The following PACRG variants were observed in gnomAD, a reference collection of about 807,000 sequenced individuals.
PACRG encodes parkin coregulated.
PACRG carries 29 observed loss-of-function variants against 29.7 expected under a neutral mutation model. The observed-to-expected ratio is 0.98, with a 90% CI of 0.73 to 1.33. PACRG has a LOEUF of 1.33. Ranked by LOEUF, PACRG falls within the 40% of genes most tolerant of loss-of-function variation. PACRG has a pLI of 0.00. For synonymous variants in PACRG, 116 were observed against 118.7 expected, an observed-to-expected ratio of 0.98 and a Z score of 0.15; for missense variants, 279 against 316.2, an observed-to-expected ratio of 0.88 and a Z score of 0.89.
chr6:162,749,314 A>G (rs562692032), intron 1 of PACRG, among the ~76,000 whole-genome samples: 86 of 152,310 alleles, frequency 5.6e-4, no homozygotes, highest in Non-Finnish European at 1.0e-3. Flanking sequence ...ACTGTCAAGA[A>G]GGTGAGAGGA....
At chr6:163,146,485 C>A (rs1027686656) in intron 4 of PACRG, among the ~76,000 whole-genome samples, 7 of 152,336 alleles carry the variant, frequency 4.6e-5, no homozygotes, top group African/African-American at 1.7e-4. Flanking sequence ...AAGAAACTTG[C>A]CATATGTGTA....
chr6:163,174,101 A>G (rs1324280999), intron 4 of PACRG, among the ~76,000 whole-genome samples: 1 of 152,228 alleles, frequency 6.6e-6, no homozygotes, highest in Non-Finnish European at 1.5e-5. Context: ...TTTATGTAGA[A>G]TATCCTTTCA....
At chr6:162,884,606 A>AATTTTAG (rs1794177978) in intron 2 of PACRG, among the ~76,000 whole-genome samples, 1 of 152,212 alleles carries the variant, frequency 6.6e-6, no homozygotes. Flanking sequence ...GCAACTTATG[A>AATTTTAG]CTACTTCATG....
chr6:163,006,893 G>T (rs1196997092), intron 2 of PACRG, among the ~76,000 whole-genome samples: 1 of 150,908 alleles, frequency 6.6e-6, no homozygotes, highest in African/African-American at 2.4e-5. Flanking sequence ...ATACAATCTG[G>T]CAATGTCTGC....
intron 3 of PACRG, among the ~76,000 whole-genome samples, chr6:163,072,531 C>A (rs1812161188): frequency 6.6e-6 from 1 of 152,140 alleles, no homozygotes; most frequent in African/African-American, 2.4e-5. Context: ...GAAAGCCTTT[C>A]CTCCTAAAAT....
At chr6:163,041,340 AAAAAAT>A (rs1808693838) in intron 2 of PACRG, among the ~76,000 whole-genome samples, 1 of 152,004 alleles carries the variant, frequency 6.6e-6, no homozygotes. Context: ...CTGTCTCAAA[AAAAAAT>A]AAAAATAAAA....
intron 3 of PACRG, among the ~76,000 whole-genome samples, chr6:163,069,246 C>T (rs887558662): frequency 1.4e-5 from 2 of 144,594 alleles, no homozygotes; most frequent in Non-Finnish European, 3.0e-5. Context: ...AATGCCCAGA[C>T]GTCAAGCATC....
chr6:163,049,396 T>C (rs1196562966), intron 2 of PACRG, among the ~76,000 whole-genome samples: 1 of 152,070 alleles, frequency 6.6e-6, no homozygotes, highest in Admixed American at 6.5e-5. Context: ...AGTATGAGAA[T>C]AAACCATTAT....
chr6:163,199,538 A>C (rs1211261826), intron 4 of PACRG, among the ~76,000 whole-genome samples: 1 of 152,226 alleles, frequency 6.6e-6, no homozygotes, highest in African/African-American at 2.4e-5. Flanking sequence ...CCTTGATCAC[A>C]CAGGCAGGAA....
At chr6:162,814,424 C>T in intron 2 of PACRG, 143 bp downstream of exon 2, 1 of 1,038,598 alleles carries the variant, frequency 9.6e-7, no homozygotes. Flanking sequence ...TTAGAGAAAG[C>T]CCCCCTGTGT....
intron 4 of PACRG, among the ~76,000 whole-genome samples, chr6:163,213,962 C>T (rs1229943875): frequency 6.6e-6 from 1 of 152,162 alleles, no homozygotes; most frequent in East Asian, 1.9e-4. Flanking sequence ...CTTTTTCCCA[C>T]CTTTGAAACA....
At chr6:163,162,500 A>G (rs1187722556) in intron 4 of PACRG, among the ~76,000 whole-genome samples, 1 of 152,120 alleles carries the variant, frequency 6.6e-6, no homozygotes, top group African/African-American at 2.4e-5. Context: ...GTTTCTGCCA[A>G]TTTCTTCCTC....
At chr6:163,016,730 A>G (rs1397045447) in intron 2 of PACRG, among the ~76,000 whole-genome samples, 3 of 152,126 alleles carry the variant, frequency 2.0e-5, no homozygotes, top group Admixed American at 1.3e-4. Context: ...TAGAATATCA[A>G]AGCTTTTGTC....
chr6:163,041,720 C>T (rs184415471), intron 2 of PACRG, among the ~76,000 whole-genome samples: 1 of 152,320 alleles, frequency 6.6e-6, no homozygotes, highest in East Asian at 1.9e-4. Context: ...CAACCATATA[C>T]TCGAGTATTT....
At chr6:163,059,235 G>A (rs1810891532) in intron 2 of PACRG, among the ~76,000 whole-genome samples, 2 of 152,062 alleles carry the variant, frequency 1.3e-5, no homozygotes, top group Admixed American at 1.3e-4. Flanking sequence ...TCTTTCATTT[G>A]ACTTTTGTCT....
chr6:162,922,950 T>A (rs1797170518), intron 2 of PACRG, among the ~76,000 whole-genome samples: 1 of 152,180 alleles, frequency 6.6e-6, no homozygotes, highest in Non-Finnish European at 1.5e-5. Flanking sequence ...GATCATGTGG[T>A]GATTCTATTT....
intron 4 of PACRG, among the ~76,000 whole-genome samples, chr6:163,229,369 A>AACCACC (rs1049419954): frequency 6.6e-6 from 1 of 152,056 alleles, no homozygotes; most frequent in Non-Finnish European, 1.5e-5. Flanking sequence ...AAAAAGACAA[A>AACCACC]ACCACCACCA....
intron 1 of PACRG, among the ~76,000 whole-genome samples, chr6:162,812,291 C>A (rs1010995346): frequency 6.6e-6 from 1 of 151,986 alleles, no homozygotes; most frequent in African/African-American, 2.4e-5. Context: ...CTATGATTAT[C>A]TTAACAAAAA....
At chr6:163,252,673 C>A (rs1241829368) in intron 4 of PACRG, among the ~76,000 whole-genome samples, 1 of 152,202 alleles carries the variant, frequency 6.6e-6, no homozygotes, top group African/African-American at 2.4e-5. Flanking sequence ...TATCTCCTAA[C>A]GGACACCTCA....
Sources: allele counts gnomAD v4.1 joint callset (sites outside exome capture counted in the v4.1 genomes callset), GRCh38; gene constraint gnomAD v4.1.1; transcripts MANE v1.5; gene names NCBI Gene and HGNC (gene_info 2026-07-23, HGNC 2026-07-21).